Variants in TBX6 observed in about 807,000 individuals in gnomAD.
TBX6 encodes T-box transcription factor TBX6.
In TBX6, 29 loss-of-function variants were observed where a neutral mutation model predicts 42.3. The observed-to-expected ratio is 0.69, with a 90% CI of 0.51 to 0.93. The LOEUF (loss-of-function observed/expected upper bound fraction) is 0.93, where lower values mean the gene tolerates loss of function less well. Ranked by LOEUF, TBX6 falls within the 40% of genes least tolerant of loss-of-function variation. The pLI is 0.00. For missense variants in TBX6, 569 were observed against 603.3 expected (o/e 0.94, Z 0.59); for synonymous variants, 249 against 245.1 (o/e 1.02, Z -0.15).
chr16:30,086,765 G>T lies in TBX6; in HGVS notation c.913+13C>A, dbSNP rs1170672223. 6.2e-7 allele frequency: 1 copy of T among 1,613,928 alleles called. No individual in the cohort carries two copies. The highest frequency in any genetic ancestry group is 1.3e-5 in the African/African-American group (1 of 74,982). ...CTCAGGCCTGGCCCCATCGCCATCG[G>T]GACTACACTCACCTCCGCTCCCATA... On this transcript the variant is annotated intron_variant, in intron 7 of 8. Coordinates refer to ENST00000395224, the MANE Select transcript of TBX6 (RefSeq NM_004608.4). The surrounding 1 kb of genome is among the most constrained non-coding windows in gnomAD (Gnocchi z 4.6).
rs572534703 is a variant in TBX6, at chr16:30,090,014, G to A, written c.353+744C>T. Among the ~76,000 whole-genome samples the A allele has an allele frequency of 2.5e-3, 374 of 151,888 alleles. 8 individuals carry two copies. In the South Asian group the frequency reaches 0.076, roughly 31 times the overall value. On this transcript the variant is annotated intron_variant, in intron 3 of 8. Transcript: ENST00000395224. ...TTTTCTTGTCTCATTTTACATTTGG[G>A]GAAACAGGACAGACGGGTTAAGTGA...
In TBX6 at chr16:30,085,918, G is replaced by C. The variant is rs2072618411; in HGVS notation, c.*307C>G. 2.5e-6 allele frequency: 1 copy of C among 403,204 alleles called. No individual in the cohort carries two copies. Among genetic ancestry groups the C allele is most frequent in the African/African-American group, 2.1e-5 (1 of 46,794 alleles). 25.0% of individuals were successfully genotyped at this position (403,204 alleles called of 1,614,324 possible). ...GGATTGAGCCCCTCCAGAGCCCATG[G>C]GGAGGCCTGGTAAGTGGGGATGCTG... On this transcript the variant is annotated 3_prime_UTR_variant, in exon 9 of 9. Coordinates refer to ENST00000395224, the MANE Select transcript of TBX6 (RefSeq NM_004608.4).
At position 30,089,180 on chromosome 16, in the gene TBX6, G is replaced by A; in HGVS notation, c.384C>T (p.Val128=). ...RRMFPACRVS[V]TGLDPEARYL... Reference sequence around the variant, plus strand: ...AGCGGGCCTCGGGGTCCAGGCCAGTGACTGACACTCGGCAGGCAGGGAACA... The same window carrying A: ...AGCGGGCCTCGGGGTCCAGGCCAGTAACTGACACTCGGCAGGCAGGGAACA... The change falls in exon 4 of 9, where the codon GTC becomes GTT. Residue 128 remains valine (V), a synonymous_variant. Transcript: ENST00000395224. 6.2e-7 allele frequency: 1 copy of A among 1,613,954 alleles called. No individual in the cohort carries two copies. Among genetic ancestry groups the A allele is most frequent in the Non-Finnish European group, 8.5e-7 (1 of 1,179,950 alleles).
intron 3 of TBX6, among the ~76,000 whole-genome samples, chr16:30,089,932 CAAAAAAAAAA>C (rs34629735): frequency 3.1e-5 from 3 of 97,500 alleles, no homozygotes; most frequent in Admixed American, 1.1e-4. Context: ...GACTCCATCT[CAAAAAAAAAA>C]AAAAAAAAAA....
intron 3 of TBX6, among the ~76,000 whole-genome samples, chr16:30,089,862 A>G (rs746449061): frequency 2.4e-4 from 36 of 148,876 alleles, no homozygotes; most frequent in Non-Finnish European, 4.4e-4. Context: ...TCCAGGAAGC[A>G]GAGGTTGCGG....
rs1411900123 is a variant in TBX6, at chr16:30,088,517, C to T, written c.839+28G>A. 6.2e-7 allele frequency: 1 copy of T among 1,613,680 alleles called. No homozygotes were observed. The highest frequency in any genetic ancestry group is 1.1e-5 in the South Asian group (1 of 91,068). ...GTGATTAATAAACATTTGTTGAATG[C>T]ATGAACAAATGAATGAACAACTCCC... On this transcript the variant is annotated intron_variant, in intron 6 of 8. Transcript: ENST00000395224. This position sits in a 1 kb window ranked among gnomAD's most constrained non-coding sequence, Gnocchi z 4.1.
In TBX6 at chr16:30,088,495, AT is replaced by A; in HGVS notation, c.839+49del. The A allele has an allele frequency of 1.2e-6, 2 of 1,612,830 alleles. No homozygotes were observed. The highest frequency in any genetic ancestry group is 8.5e-7 in the Non-Finnish European group (1 of 1,178,826). ...CACGGTGCCTGGCACACAGTGAGTG[AT>A]TAATAAACATTTGTTGAATGCATGA... On this transcript the variant is annotated intron_variant, in intron 6 of 8. Coordinates refer to ENST00000395224, the MANE Select transcript of TBX6 (RefSeq NM_004608.4). The surrounding 1 kb of genome is among the most constrained non-coding windows in gnomAD (Gnocchi z 4.1).
intron 3 of TBX6, 22 bp from the exon 4 acceptor site, chr16:30,089,232 A>G: frequency 6.2e-7 from 1 of 1,600,574 alleles, no homozygotes; most frequent in East Asian, 2.2e-5. Flanking sequence ...AGGGGACAGG[A>G]GAGGCCTGGA....
rs745708073 is a variant in TBX6 at position 30,086,438 on chromosome 16, C to T, written c.1098G>A (p.Arg366=). 5.6e-5 allele frequency: 85 copies of T among 1,510,630 alleles called. No homozygotes were observed. In the South Asian group the frequency reaches 1.0e-3, roughly 18 times the overall value. 93.6% of individuals were successfully genotyped at this position (1,510,630 alleles called of 1,614,324 possible). ...FHGAPSHLPT[R]SPSFPEAPDS... Reference sequence around the variant, plus strand: ...CTGGAGCCTCCGGGAAGCTGGGGCTCCTGACATGGAGAGAGGGATGTCAGA... The same window carrying T: ...CTGGAGCCTCCGGGAAGCTGGGGCTTCTGACATGGAGAGAGGGATGTCAGA... The change falls in exon 9 of 9, where the codon AGG becomes AGA. Residue 366 remains arginine (R), a splice_region_variant and synonymous_variant. Transcript: ENST00000395224. This position sits in a 1 kb window ranked among gnomAD's most constrained non-coding sequence, Gnocchi z 4.6.
Position 30,088,831 on chromosome 16 carries a change from C to T in TBX6, c.630G>A (p.Leu210=). The change falls in exon 5 of 9, where the codon CTG becomes CTA. Residue 210 remains leucine, a synonymous_variant. Coordinates refer to ENST00000395224, the MANE Select transcript of TBX6 (RefSeq NM_004608.4). The surrounding 1 kb of genome is among the most constrained non-coding windows in gnomAD (Gnocchi z 4.1). The stretch of plus-strand genomic sequence containing the variant: ...GGGGTTGGTACTTGTGCATGGAGTG[C>T]AGGATCAGCTGGGAGGGAGGAAATG... ...STLDPHGHLI[L]HSMHKYQPRI... is the part of the protein sequence containing the mutation. 4 of 1,613,708 alleles carry T rather than the reference C, an allele frequency of 2.5e-6. No individual in the cohort carries two copies. Among genetic ancestry groups the T allele is most frequent in the Admixed American group, 1.7e-5 (1 of 59,998 alleles).
Position 30,088,647 on chromosome 16 carries a change from G to A in TBX6, c.769-32C>T. On this transcript the variant is annotated intron_variant, in intron 5 of 8. Coordinates refer to ENST00000395224, the MANE Select transcript of TBX6 (RefSeq NM_004608.4). This position sits in a 1 kb window ranked among gnomAD's most constrained non-coding sequence, Gnocchi z 4.1. ...ACACACATGCAGGGTCAAAGCAACT[G>A]CGGTCTGGGCAGGGGGCCACCACCC... is the stretch of plus-strand genomic sequence containing the variant. 3 of 1,614,126 alleles carry A rather than the reference G, an allele frequency of 1.9e-6. No individual in the cohort carries two copies. Among genetic ancestry groups the A allele is most frequent in the Non-Finnish European group, 1.7e-6 (2 of 1,180,026 alleles).
At position 30,085,956 on chromosome 16, in the gene TBX6, A is replaced by G. The variant is rs1160719198; in HGVS notation, c.*269T>C. ...AGTGGGGATGCTGGTCTGTGGCCCC[A>G]TTTGGCCAGGCAGAGCCCCTTCCAT... is the stretch of plus-strand genomic sequence containing the variant. On this transcript the variant is annotated 3_prime_UTR_variant, in exon 9 of 9. Transcript: ENST00000395224. 2.2e-6 allele frequency: 1 copy of G among 463,098 alleles called. No homozygotes were observed. The highest frequency in any genetic ancestry group is 3.8e-6 in the Non-Finnish European group (1 of 261,258). 28.7% of individuals were successfully genotyped at this position (463,098 alleles called of 1,614,324 possible). A position where few individuals can be genotyped will look rare whatever the true frequency, so the allele number is the denominator to read the frequency against.
rs1010692579 is a variant in TBX6 at position 30,088,217 on chromosome 16, C to T, written c.839+328G>A. On this transcript the variant is annotated intron_variant, in intron 6 of 8. Coordinates refer to ENST00000395224, the MANE Select transcript of TBX6 (RefSeq NM_004608.4). This position sits in a 1 kb window ranked among gnomAD's most constrained non-coding sequence, Gnocchi z 4.1. ...CCTCCCAGAGTGCTGGGATTACATG[C>T]GTGAGCCACCACACCTGGTCTCTCT... 10 of 366,512 alleles carry T rather than the reference C, an allele frequency of 2.7e-5. No homozygotes were observed. Among genetic ancestry groups the T allele is most frequent in the East Asian group, 1.4e-4 (2 of 14,560 alleles). The allele number at this position is 366,512 out of a possible 1,614,324, so 22.7% of individuals were successfully genotyped here.
rs766480949 is a variant in TBX6, at chr16:30,089,183, T to C, written c.381A>G (p.Ser127=). ...GRRMFPACRV[S]VTGLDPEARY... Reference sequence around the variant, plus strand: ...GGGCCTCGGGGTCCAGGCCAGTGACTGACACTCGGCAGGCAGGGAACATGC... The same window carrying C: ...GGGCCTCGGGGTCCAGGCCAGTGACCGACACTCGGCAGGCAGGGAACATGC... The change falls in exon 4 of 9, where the codon TCA becomes TCG. Residue 127 remains serine, a synonymous_variant. Transcript: ENST00000395224. 1 of 1,613,804 alleles carries C rather than the reference T, an allele frequency of 6.2e-7. No individual in the cohort carries two copies. Among genetic ancestry groups the C allele is most frequent in the Non-Finnish European group, 8.5e-7 (1 of 1,179,884 alleles).
In TBX6 at chr16:30,086,205, C is replaced by T; in HGVS notation, c.*20G>A. ...GGGAGCGGGAGGTTTGTGATGGAGGCAGAGGGGCCCAGCAGTGGTTCAGTA... is the reference window on the plus strand; with the variant it reads ...GGGAGCGGGAGGTTTGTGATGGAGGTAGAGGGGCCCAGCAGTGGTTCAGTA... On this transcript the variant is annotated 3_prime_UTR_variant, in exon 9 of 9. Coordinates refer to ENST00000395224, the MANE Select transcript of TBX6 (RefSeq NM_004608.4). This position sits in a 1 kb window ranked among gnomAD's most constrained non-coding sequence, Gnocchi z 4.6. The T allele has an allele frequency of 1.9e-6, 3 of 1,607,970 alleles. No individual in the cohort carries two copies. The highest frequency in any genetic ancestry group is 2.2e-5 in the South Asian group (2 of 90,620).
At chr16:30,090,728 C>A in intron 3 of TBX6, 30 bp downstream of exon 3, 1 of 1,601,468 alleles carries the variant, frequency 6.2e-7, no homozygotes, top group South Asian at 1.1e-5. Flanking sequence ...AGACCCCCAC[C>A]AGAAACACGG....
In TBX6 at chr16:30,086,431, T is replaced by C; in HGVS notation, c.1105A>G (p.Ser369Gly). The C allele has an allele frequency of 6.6e-7, 1 of 1,516,396 alleles. No homozygotes were observed. Among genetic ancestry groups the C allele is most frequent in the Non-Finnish European group, 8.8e-7 (1 of 1,137,504 alleles). The allele number at this position is 1,516,396 out of a possible 1,614,324, so 93.9% of individuals were successfully genotyped here. ...APSHLPTRSP[S>G]FPEAPDSGRS... ...CCGGAGTCTGGAGCCTCCGGGAAGCTGGGGCTCCTGACATGGAGAGAGGGA... is the reference window on the plus strand; with the variant it reads ...CCGGAGTCTGGAGCCTCCGGGAAGCCGGGGCTCCTGACATGGAGAGAGGGA... Residue 369 changes from serine to glycine, a missense_variant, in exon 9 of 9, where the codon AGC (serine) becomes GGC (glycine). By Grantham distance (56) the Ser-to-Gly change is moderately conservative. Transcript: ENST00000395224. This position sits in a 1 kb window ranked among gnomAD's most constrained non-coding sequence, Gnocchi z 4.6.
At position 30,086,120 on chromosome 16, in the gene TBX6, C is replaced by A; in HGVS notation, c.*105G>T. 1 of 1,137,388 alleles carries A rather than the reference C, an allele frequency of 8.8e-7. No individual in the cohort carries two copies. The highest frequency in any genetic ancestry group is 2.9e-5 in the East Asian group (1 of 34,852). The allele number at this position is 1,137,388 out of a possible 1,614,324, so 70.5% of individuals were successfully genotyped here. ...AGGGGGTGGGTGGGCAGGCCCAAGG[C>A]GGCCATTTGGTGTGGGGGATGGGGC... On this transcript the variant is annotated 3_prime_UTR_variant, in exon 9 of 9. Transcript: ENST00000395224. This position sits in a 1 kb window ranked among gnomAD's most constrained non-coding sequence, Gnocchi z 4.6.
Position 30,090,740 on chromosome 16 carries a change from C to T in TBX6, c.353+18G>A. The T allele has an allele frequency of 1.9e-6, 3 of 1,608,014 alleles. No individual in the cohort carries two copies. The highest frequency in any genetic ancestry group is 2.5e-6 in the Non-Finnish European group (3 of 1,176,948). ...AAGAGACCCCCACCAGAAACACGGA[C>T]CCTGGCCAGCCCCTCACCTCCCAGC... On this transcript the variant is annotated intron_variant, in intron 3 of 8. Coordinates refer to ENST00000395224, the MANE Select transcript of TBX6 (RefSeq NM_004608.4).
Sources: allele counts gnomAD v4.1 joint callset (sites outside exome capture counted in the v4.1 genomes callset), GRCh38; gene constraint gnomAD v4.1.1; non-coding constraint Gnocchi (gnomAD v3.1); transcripts MANE v1.5; gene names NCBI Gene and HGNC (gene_info 2026-07-23, HGNC 2026-07-21).